RALGPS1: variants seen among roughly 807,000 people sequenced by gnomAD.
The protein encoded by RALGPS1 is ras-specific guanine nucleotide-releasing factor RalGPS1.
A neutral mutation model predicts 78.8 loss-of-function variants in RALGPS1; 19 were observed. The ratio of observed to expected loss-of-function variants is 0.24; its 90% CI spans 0.17 to 0.35. RALGPS1 has a LOEUF of 0.35. Ranked by LOEUF, RALGPS1 falls within the 10% of genes least tolerant of loss-of-function variation. The pLI is 1.00. For missense variants in RALGPS1, 454 were observed against 688.3 expected (o/e 0.66, Z 3.81); for synonymous variants, 228 against 256.3 (o/e 0.89, Z 1.06).
chr9:127,025,300 G>A (rs552971100), intron 4 of RALGPS1, among the ~76,000 whole-genome samples: 2 of 152,210 alleles, frequency 1.3e-5, no homozygotes, highest in Admixed American at 1.3e-4. Context: ...CTCACCAGCT[G>A]GTGGAAATCC....
intron 14 of RALGPS1, among the ~76,000 whole-genome samples, chr9:127,201,987 TGA>T (rs1244297758): frequency 3.3e-5 from 5 of 152,028 alleles, no homozygotes; most frequent in Non-Finnish European, 7.4e-5. Context: ...AAGTGAGGTG[TGA>T]GAGAGGAGAG....
At chr9:126,987,347 G>A (rs941300800) in intron 4 of RALGPS1, among the ~76,000 whole-genome samples, 2 of 152,158 alleles carry the variant, frequency 1.3e-5, no homozygotes, top group Non-Finnish European at 2.9e-5. Context: ...TTGGGGAGTT[G>A]GGGGGCAGTT....
intron 7 of RALGPS1, among the ~76,000 whole-genome samples, chr9:127,067,568 G>A (rs1319240743): frequency 6.6e-6 from 1 of 152,242 alleles, no homozygotes; most frequent in African/African-American, 2.4e-5. Flanking sequence ...CCAGGTGCTA[G>A]GCAGTCATTT....
At position 127,108,569 on chromosome 9, in the gene RALGPS1, T is replaced by C. The variant is rs761687249; in HGVS notation, c.610+39213T>C. 12 of 1,613,470 alleles carry C rather than the reference T, an allele frequency of 7.4e-6. No individual in the cohort carries two copies. In the South Asian group the frequency reaches 1.3e-4, roughly 18 times the overall value. On this transcript the variant is annotated intron_variant, in intron 8 of 18. Transcript: ENST00000259351. ...TGCTGGGGCACAATGAAGGTGTAGG[T>C]GCACTTGTCCTGGGACTCGCCCGCC...
intron 8 of RALGPS1, among the ~76,000 whole-genome samples, chr9:127,086,221 G>A (rs2051720961): frequency 6.6e-6 from 1 of 152,192 alleles, no homozygotes; most frequent in African/African-American, 2.4e-5. Context: ...GCTATCATAT[G>A]GTTATGCCAC....
intron 3 of RALGPS1, among the ~76,000 whole-genome samples, chr9:126,966,477 T>C (rs2039503083): frequency 7.0e-6 from 1 of 142,130 alleles, no homozygotes; most frequent in Admixed American, 7.5e-5. Context: ...GCTGTGATCA[T>C]GCAACTGTAT....
At chr9:126,975,132 A>T (rs2040482237) in intron 3 of RALGPS1, among the ~76,000 whole-genome samples, 1 of 152,160 alleles carries the variant, frequency 6.6e-6, no homozygotes, top group Non-Finnish European at 1.5e-5. Flanking sequence ...CTTGCTCTAG[A>T]TACTGTATCT....
chr9:126,919,708 A>G (rs572100826), intron 1 of RALGPS1, among the ~76,000 whole-genome samples: 87 of 152,352 alleles, frequency 5.7e-4, no homozygotes, highest in African/African-American at 2.0e-3. Flanking sequence ...TATGTTATTA[A>G]TAATCTGAAA....
At chr9:126,988,201 G>A (rs541818585) in intron 4 of RALGPS1, among the ~76,000 whole-genome samples, 1 of 152,134 alleles carries the variant, frequency 6.6e-6, no homozygotes, top group African/African-American at 2.4e-5. Context: ...TGGCGGGGGT[G>A]AGAGATTGAG....
In RALGPS1 at chr9:127,222,647, C is replaced by T. The variant is rs1252840665; in HGVS notation, c.*3878C>T. On this transcript the variant is annotated 3_prime_UTR_variant, in exon 19 of 19. Coordinates refer to ENST00000259351, the MANE Select transcript of RALGPS1 (RefSeq NM_014636.3). ...GCAGCAACACAGGAGATCATCTGTC[C>T]ATTTTAGAACCATTAATCTCTTTAT... is the stretch of plus-strand genomic sequence containing the variant. The T allele has an allele frequency of 1.3e-5, 2 of 152,548 alleles. No homozygotes were observed. The highest frequency in any genetic ancestry group is 2.9e-5 in the Non-Finnish European group (2 of 68,038). 9.4% of individuals were successfully genotyped at this position (152,548 alleles called of 1,614,324 possible).
intron 1 of RALGPS1, among the ~76,000 whole-genome samples, chr9:126,930,169 T>G (rs971533114): frequency 2.0e-5 from 3 of 149,088 alleles, no homozygotes; most frequent in Admixed American, 2.0e-4. Context: ...ATTTATTTTA[T>G]TTTAGTTTTT....
At chr9:126,944,695 C>A (rs2037096534) in intron 1 of RALGPS1, among the ~76,000 whole-genome samples, 1 of 152,084 alleles carries the variant, frequency 6.6e-6, no homozygotes, top group East Asian at 1.9e-4. Context: ...CAGTACAGAG[C>A]TTACATAACC....
intron 11 of RALGPS1, chr9:127,184,120 G>C: frequency 7.1e-7 from 1 of 1,417,044 alleles, no homozygotes; most frequent in Non-Finnish European, 9.6e-7. Context: ...GAGCCCAGGA[G>C]TTCAAGACCA....
intron 4 of RALGPS1, among the ~76,000 whole-genome samples, chr9:126,982,928 CTTTTTTTTTTTTTT>C (rs71377984): frequency 2.9e-5 from 1 of 34,594 alleles, no homozygotes; most frequent in Non-Finnish European, 6.3e-5. Flanking sequence ...TCTTCTTCTT[CTTTTTTTTTTTTTT>C]TTTTTTTTTT....
chr9:127,198,834 G>A (rs1225868701), intron 13 of RALGPS1, among the ~76,000 whole-genome samples, 181 bp from the exon 14 acceptor site: 4 of 152,192 alleles, frequency 2.6e-5, no homozygotes, highest in African/African-American at 9.7e-5. Flanking sequence ...GTGGTTCTTT[G>A]ACCCTCCCAG....
chr9:127,027,426 CT>C (rs1211494700), intron 4 of RALGPS1, among the ~76,000 whole-genome samples: 1 of 152,158 alleles, frequency 6.6e-6, no homozygotes, highest in Non-Finnish European at 1.5e-5. Context: ...CATGGACTAA[CT>C]TCATTGTTCT....
intron 12 of RALGPS1, among the ~76,000 whole-genome samples, chr9:127,195,630 C>G (rs1460829545): frequency 6.6e-6 from 1 of 152,206 alleles, no homozygotes; most frequent in East Asian, 1.9e-4. Flanking sequence ...GAGCAGTGAA[C>G]CTGCTGGCTC....
chr9:126,933,126 C>T (rs1402225185), intron 1 of RALGPS1, among the ~76,000 whole-genome samples: 2 of 152,000 alleles, frequency 1.3e-5, no homozygotes, highest in East Asian at 1.9e-4. Flanking sequence ...AGGAAGGCGG[C>T]GCTGGTGTGG....
At chr9:126,916,161 AG>A (rs2034137030) in intron 1 of RALGPS1, among the ~76,000 whole-genome samples, 1 of 152,204 alleles carries the variant, frequency 6.6e-6, no homozygotes, top group Admixed American at 6.5e-5. Context: ...GGTTGGATTC[AG>A]GGACTGGAGA....
Sources: allele counts gnomAD v4.1 joint callset (sites outside exome capture counted in the v4.1 genomes callset), GRCh38; gene constraint gnomAD v4.1.1; transcripts MANE v1.5; gene names NCBI Gene and HGNC (gene_info 2026-07-23, HGNC 2026-07-21).